SH3BGRL2: variants seen among roughly 807,000 people sequenced by gnomAD.
The protein encoded by SH3BGRL2 is SH3 domain-binding glutamic acid-rich-like protein 2.
Under a neutral mutation model 14.8 loss-of-function variants are expected in SH3BGRL2, and 21 were observed. That is an observed-to-expected ratio of 1.42 (90% CI 1.01 to 2.05). SH3BGRL2 has a LOEUF of 2.05. SH3BGRL2 is among the 30% of genes most tolerant of loss of function. The pLI, the probability that SH3BGRL2 is intolerant of heterozygous loss-of-function variation, is 0.00. For missense variants in SH3BGRL2, 147 were observed against 130.8 expected, an observed-to-expected ratio of 1.12 and a Z score of -0.61; for synonymous variants, 50 against 47.8, an observed-to-expected ratio of 1.05 and a Z score of -0.19.
chr6:79,631,588 G>T (rs1768825903), intron 1 of SH3BGRL2, 82 bp downstream of exon 1: 3 of 1,172,876 alleles, frequency 2.6e-6, no homozygotes, highest in South Asian at 6.3e-5. Context: ...GTCACTGCGC[G>T]TCCTTGCGCT....
chr6:79,585,606 T>G, the SH3BGRL2 span, among the ~76,000 whole-genome samples: 1 of 152,166 alleles, frequency 6.6e-6, no homozygotes, highest in African/African-American at 2.4e-5. Flanking sequence ...GATCTGTGTT[T>G]CTATGTCAGT....
the SH3BGRL2 span, chr6:79,574,441 G>A: frequency 6.6e-6 from 1 of 152,158 alleles, no homozygotes; most frequent in Non-Finnish European, 1.5e-5. Flanking sequence ...GATAGAGAGA[G>A]ATTTTCCTCT....
At chr6:79,558,332 G>A in the SH3BGRL2 span, among the ~76,000 whole-genome samples, 5 of 152,100 alleles carry the variant, frequency 3.3e-5, no homozygotes, top group African/African-American at 1.2e-4. Flanking sequence ...ATAGGTGATT[G>A]CTTAGGATGT....
At chr6:79,611,891 T>A in the SH3BGRL2 span, among the ~76,000 whole-genome samples, 50 of 152,292 alleles carry the variant, frequency 3.3e-4, 1 homozygote, top group Non-Finnish European at 4.6e-4. Context: ...TATGCCTCTC[T>A]TGCTGGTTTT....
chr6:79,648,997 G>C (rs1161203992), intron 1 of SH3BGRL2, among the ~76,000 whole-genome samples: 2 of 152,192 alleles, frequency 1.3e-5, no homozygotes, highest in Non-Finnish European at 2.9e-5. Context: ...AAAAGCCACT[G>C]AGAGGTGATT....
the SH3BGRL2 span, among the ~76,000 whole-genome samples, chr6:79,588,395 A>T: frequency 9.2e-5 from 14 of 151,998 alleles, no homozygotes; most frequent in South Asian, 2.9e-3. Flanking sequence ...GTAAGTTGGT[A>T]TGGATTCATC....
chr6:79,599,800 G>A, the SH3BGRL2 span, among the ~76,000 whole-genome samples: 3 of 152,126 alleles, frequency 2.0e-5, no homozygotes, highest in Admixed American at 1.3e-4. Context: ...CAGGGAAATG[G>A]CTAGAAAGAA....
chr6:79,678,031 C>T (rs1024107554), intron 2 of SH3BGRL2, among the ~76,000 whole-genome samples: 7 of 152,192 alleles, frequency 4.6e-5, no homozygotes, highest in African/African-American at 1.7e-4. Flanking sequence ...TCCACTTATA[C>T]TAAAGGAAAA....
chr6:79,552,654 CA>C, the SH3BGRL2 span: 1 of 152,156 alleles, frequency 6.6e-6, no homozygotes, highest in African/African-American at 2.4e-5. Context: ...GGGGTCCATT[CA>C]GTCAGTGAGG....
At chr6:79,605,406 T>C in the SH3BGRL2 span, among the ~76,000 whole-genome samples, 1 of 152,246 alleles carries the variant, frequency 6.6e-6, no homozygotes, top group Non-Finnish European at 1.5e-5. Flanking sequence ...AATACCTTCA[T>C]GATCCAGTTT....
the SH3BGRL2 span, among the ~76,000 whole-genome samples, chr6:79,542,331 G>A: frequency 3.1e-4 from 47 of 150,942 alleles, 1 homozygote; most frequent in Middle Eastern, 0.017. Flanking sequence ...GCAATGGTGC[G>A]ATCTCAGCTC....
At chr6:79,680,658 G>A (rs187656239) in intron 2 of SH3BGRL2, among the ~76,000 whole-genome samples, 1 of 152,102 alleles carries the variant, frequency 6.6e-6, no homozygotes. Context: ...TCTGTAGATT[G>A]CTTTGGGTAT....
the SH3BGRL2 span, among the ~76,000 whole-genome samples, chr6:79,554,366 G>T: frequency 6.6e-6 from 1 of 152,138 alleles, no homozygotes. Flanking sequence ...CAAAGTTTTT[G>T]CTAAGGGACA....
At chr6:79,670,545 C>A (rs1769752175) in intron 1 of SH3BGRL2, among the ~76,000 whole-genome samples, 1 of 152,190 alleles carries the variant, frequency 6.6e-6, no homozygotes, top group South Asian at 2.1e-4. Flanking sequence ...GCAGTTATAG[C>A]TGTTATTTTC....
At chr6:79,642,192 C>G (rs1223981122) in intron 1 of SH3BGRL2, among the ~76,000 whole-genome samples, 1 of 152,136 alleles carries the variant, frequency 6.6e-6, no homozygotes, top group African/African-American at 2.4e-5. Flanking sequence ...TGCATCTGTA[C>G]TGAACATGTA....
At chr6:79,588,023 G>A in the SH3BGRL2 span, among the ~76,000 whole-genome samples, 8 of 151,490 alleles carry the variant, frequency 5.3e-5, no homozygotes, top group African/African-American at 1.9e-4. Flanking sequence ...GCCGGGTGCG[G>A]TGGCTCATGG....
At chr6:79,594,942 T>C in the SH3BGRL2 span, among the ~76,000 whole-genome samples, 1 of 152,300 alleles carries the variant, frequency 6.6e-6, no homozygotes, top group South Asian at 2.1e-4. Context: ...ATCTCCAAGA[T>C]ACAAACCACA....
At chr6:79,622,418 T>G in the SH3BGRL2 span, among the ~76,000 whole-genome samples, 1 of 152,288 alleles carries the variant, frequency 6.6e-6, no homozygotes, top group African/African-American at 2.4e-5. Context: ...TACTTTACTA[T>G]CTAAAACCAG....
chr6:79,666,607 A>G (rs1769664650), intron 1 of SH3BGRL2, among the ~76,000 whole-genome samples: 1 of 152,202 alleles, frequency 6.6e-6, no homozygotes, highest in Non-Finnish European at 1.5e-5. Context: ...GACAAGGGAA[A>G]GAGCCTCAGC....
Sources: gnomAD v4.1 joint callset for allele counts (sites outside exome capture counted in the v4.1 genomes callset) on GRCh38, gnomAD v4.1.1 for gene constraint, MANE v1.5 for transcripts, NCBI Gene and HGNC (gene_info 2026-07-23, HGNC 2026-07-21) for gene names.